The following COL27A1 variants were observed in gnomAD, a reference collection of about 807,000 sequenced individuals.
The protein encoded by COL27A1 is collagen type XXVII alpha 1 chain.
A neutral mutation model predicts 251.3 loss-of-function variants in COL27A1; 106 were observed. That is an observed-to-expected ratio of 0.42 (90% CI 0.36 to 0.50). The LOEUF (loss-of-function observed/expected upper bound fraction) is 0.50, where lower values mean the gene tolerates loss of function less well. Ranked by LOEUF, COL27A1 falls within the 20% of genes least tolerant of loss-of-function variation. The pLI is 0.00. For missense variants in COL27A1, 2,325 were observed against 2,522.8 expected, an observed-to-expected ratio of 0.92 and a Z score of 1.68; for synonymous variants, 1,000 against 986.3, an observed-to-expected ratio of 1.01 and a Z score of -0.26.
At position 114,178,340 on chromosome 9, in the gene COL27A1, C is replaced by A; in HGVS notation, c.1958C>A (p.Pro653His). 1 of 1,613,978 alleles carries A rather than the reference C, an allele frequency of 6.2e-7. No homozygotes were observed. ...GLPGIPGARGPRGPPGPYGNP... is the reference protein window; with the variant it reads ...GLPGIPGARGHRGPPGPYGNP... ...CCTGGAATCCCTGGTGCACGTGGGCCTCGGGTGAGTTATCTCACACTGTCC... is the reference window on the plus strand; with the variant it reads ...CCTGGAATCCCTGGTGCACGTGGGCATCGGGTGAGTTATCTCACACTGTCC... Residue 653 changes from proline (P) to histidine (H), a missense_variant, in exon 4 of 61, where the codon CCT (proline) becomes CAT (histidine). Coordinates refer to ENST00000356083, the MANE Select transcript of COL27A1 (RefSeq NM_032888.4).
chr9:114,307,091 TGCCTC>T, intron 58 of COL27A1: 1 of 198,412 alleles, frequency 5.0e-6, no homozygotes, highest in South Asian at 9.1e-5. Flanking sequence ...ATGTCAGTTC[TGCCTC>T]AGACTTGGTC....
intron 39 of COL27A1, among the ~76,000 whole-genome samples, chr9:114,282,962 A>C (rs1329517418): frequency 1.3e-5 from 2 of 152,216 alleles, no homozygotes; most frequent in African/African-American, 4.8e-5. Flanking sequence ...ATGCTGCTGC[A>C]GGTCCCTGGA....
rs1243479474 is a variant in COL27A1 at position 114,282,196 on chromosome 9, C to T, written c.3718-81C>T. The T allele has an allele frequency of 1.1e-5, 15 of 1,327,084 alleles. 1 individual carries two copies. The South Asian group carries it at 1.8e-4, about 16-fold the overall frequency. 82.2% of individuals were successfully genotyped at this position (1,327,084 alleles called of 1,614,324 possible). On this transcript the variant is annotated intron_variant, in intron 37 of 60. Transcript: ENST00000356083. ...CCTGGCCATCTGCCTCCAGAGCCGA[C>T]AGTCTGACCGCCTTGCGGATCCGCC...
At chr9:114,306,949 C>G in intron 58 of COL27A1, 1 of 424,058 alleles carries the variant, frequency 2.4e-6, no homozygotes, top group Non-Finnish European at 4.3e-6. Context: ...CCCCTGGGGC[C>G]CATCCTGTCA....
rs555554846 is a variant in COL27A1 at position 114,301,411 on chromosome 9, C to T, written c.4792-34C>T. Reference sequence around the variant, plus strand: ...GTTGGGCCATGGCTCAGCCAGGTTCCCTAACTCTCTCCCCTGCTTCTGTCT... The same window carrying T: ...GTTGGGCCATGGCTCAGCCAGGTTCTCTAACTCTCTCCCCTGCTTCTGTCT... On this transcript the variant is annotated intron_variant, in intron 53 of 60. Coordinates refer to ENST00000356083, the MANE Select transcript of COL27A1 (RefSeq NM_032888.4). The T allele has an allele frequency of 1.9e-6, 3 of 1,612,518 alleles. No individual in the cohort carries two copies. The African/African-American group carries it at 4.0e-5, about 22-fold the overall frequency.
chr9:114,269,385 CT>C, intron 35 of COL27A1, 91 bp downstream of exon 35: 1 of 785,220 alleles, frequency 1.3e-6, no homozygotes, highest in Non-Finnish European at 2.1e-6. Context: ...CTCCCTAAGC[CT>C]CAGTTTCCTC....
intron 28 of COL27A1, among the ~76,000 whole-genome samples, chr9:114,260,506 C>T (rs963095619): frequency 4.6e-5 from 7 of 152,188 alleles, no homozygotes; most frequent in Non-Finnish European, 7.3e-5. Flanking sequence ...TTAGCAAGGC[C>T]TTGTGGCGCT....
intron 4 of COL27A1, among the ~76,000 whole-genome samples, chr9:114,181,983 C>T (rs1827955890): frequency 1.3e-5 from 2 of 152,026 alleles, no homozygotes; most frequent in Admixed American, 1.3e-4. Context: ...GAGAGGTGCA[C>T]CTTTGTTCAC....
intron 27 of COL27A1, among the ~76,000 whole-genome samples, chr9:114,255,616 C>G (rs566263462): frequency 6.6e-6 from 1 of 152,306 alleles, no homozygotes; most frequent in South Asian, 2.1e-4. Context: ...CTCCCCACCC[C>G]ACCCCATCTC....
intron 1 of COL27A1, among the ~76,000 whole-genome samples, chr9:114,158,172 C>G (rs1454842121): frequency 6.6e-6 from 1 of 152,178 alleles, no homozygotes; most frequent in Non-Finnish European, 1.5e-5. Flanking sequence ...CCAGCTAGCT[C>G]CCTTTTCAGC....
chr9:114,205,218 T>TCCCTAGATCCTGCTCTGTGAGCCAG, intron 8 of COL27A1, 72 bp downstream of exon 8: 1 of 1,394,364 alleles, frequency 7.2e-7, no homozygotes, highest in South Asian at 1.2e-5. Flanking sequence ...TCTGGCCCCC[T>TCCCTAGATCCTGCTCTGTGAGCCAG]CCCTAGATCC....
At chr9:114,196,395 T>C (rs1049350167) in intron 7 of COL27A1, among the ~76,000 whole-genome samples, 1 of 152,192 alleles carries the variant, frequency 6.6e-6, no homozygotes, top group Non-Finnish European at 1.5e-5. Context: ...GCGAGTCCTG[T>C]CTCTGCCCCT....
intron 11 of COL27A1, among the ~76,000 whole-genome samples, chr9:114,210,524 T>C (rs1483864635): frequency 6.6e-6 from 1 of 152,154 alleles, no homozygotes; most frequent in African/African-American, 2.4e-5. Flanking sequence ...TAAGACACCC[T>C]GTCCTTCCAG....
chr9:114,301,326 G>C lies in COL27A1; in HGVS notation c.4791+7G>C, dbSNP rs1416934709. 2.2e-5 allele frequency: 35 copies of C among 1,613,376 alleles called. No homozygotes were observed. In the East Asian group the frequency reaches 7.8e-4, roughly 36 times the overall value. ...AGGCAGCCGTGGGGACTGGGTAAGT[G>C]GATGGGCTGGGGCTGAGGGATGCAG... is the stretch of plus-strand genomic sequence containing the variant. On this transcript the variant is annotated splice_region_variant and intron_variant, in intron 53 of 60. Coordinates refer to ENST00000356083, the MANE Select transcript of COL27A1 (RefSeq NM_032888.4).
At chr9:114,177,211 G>T (rs1827532101) in intron 3 of COL27A1, among the ~76,000 whole-genome samples, 1 of 152,190 alleles carries the variant, frequency 6.6e-6, no homozygotes, top group African/African-American at 2.4e-5. Context: ...CTATTAAGTG[G>T]TAAAGCCAGG....
At chr9:114,199,140 C>T (rs963908528) in intron 7 of COL27A1, among the ~76,000 whole-genome samples, 7 of 152,186 alleles carry the variant, frequency 4.6e-5, no homozygotes, top group African/African-American at 1.7e-4. Context: ...TTTCTCTCAT[C>T]TAACCCTCCT....
intron 5 of COL27A1, among the ~76,000 whole-genome samples, chr9:114,194,175 T>G (rs1206869670): frequency 2.6e-5 from 4 of 152,074 alleles, no homozygotes; most frequent in African/African-American, 9.7e-5. Flanking sequence ...AGACTTGGGA[T>G]AGCAGAAGGA....
chr9:114,187,418 G>A (rs2135201565), intron 5 of COL27A1, among the ~76,000 whole-genome samples: 1 of 152,384 alleles, frequency 6.6e-6, no homozygotes, highest in East Asian at 1.9e-4. Flanking sequence ...CTTTGGGCCA[G>A]GCCCCGGCCA....
At chr9:114,252,693 G>T (rs1313321914) in intron 26 of COL27A1, 47 bp downstream of exon 26, 1 of 1,561,422 alleles carries the variant, frequency 6.4e-7, no homozygotes, top group East Asian at 2.2e-5. Context: ...TTGCAGCCTT[G>T]AGTGACAGCT....
Sources: allele counts gnomAD v4.1 joint callset (sites outside exome capture counted in the v4.1 genomes callset), GRCh38; gene constraint gnomAD v4.1.1; transcripts MANE v1.5; gene names NCBI Gene and HGNC (gene_info 2026-07-23, HGNC 2026-07-21).